Variants in PTPRD observed in about 807,000 individuals in gnomAD.
PTPRD encodes protein tyrosine phosphatase receptor type D.
PTPRD carries 34 observed loss-of-function variants against 214.5 expected under a neutral mutation model. The ratio of observed to expected loss-of-function variants is 0.16; its 90% CI spans 0.12 to 0.21. The LOEUF (loss-of-function observed/expected upper bound fraction) is 0.21. Ranked by LOEUF, PTPRD falls within the 10% of genes least tolerant of loss-of-function variation. The probability of loss-of-function intolerance (pLI) is 1.00; values close to 1 mark genes in which losing one functional copy is unlikely to be tolerated. For synonymous variants in PTPRD, 1,128 were observed against 845.7 expected, an observed-to-expected ratio of 1.33 and a Z score of -5.79; for missense variants, 2,545 against 2,398.7, an observed-to-expected ratio of 1.06 and a Z score of -1.27.
chr9:8,868,967 AT>A lies in PTPRD; in HGVS notation c.-103-135022del, dbSNP rs969896749. ...AATACAATACAAACATCCTCTAATGATTTTTATTCTTTGCAGTCCAATTAAA... is the reference window on the plus strand; with the variant it reads ...AATACAATACAAACATCCTCTAATGATTTTATTCTTTGCAGTCCAATTAAA... On this transcript the variant is annotated intron_variant, in intron 11 of 45. Coordinates refer to ENST00000381196, the MANE Select transcript of PTPRD (RefSeq NM_002839.4). 7.5e-4 allele frequency among the ~76,000 whole-genome samples: 114 copies of A among 152,290 alleles called. 1 individual carries two copies. Among genetic ancestry groups the A allele is most frequent in the African/African-American group, 2.5e-3 (102 of 41,580 alleles).
chr9:9,941,665 G>C (rs2091483591), intron 4 of PTPRD, among the ~76,000 whole-genome samples: 1 of 152,162 alleles, frequency 6.6e-6, no homozygotes, highest in African/African-American at 2.4e-5. Flanking sequence ...TGTAAGGAAA[G>C]GGTTCAGTAA....
chr9:10,357,659 T>C (rs1399409670), intron 2 of PTPRD, among the ~76,000 whole-genome samples: 1 of 152,186 alleles, frequency 6.6e-6, no homozygotes, highest in East Asian at 1.9e-4. Context: ...TTCTTTAAAG[T>C]GAAAACAAGT....
At chr9:10,132,437 A>T (rs10958908) in intron 3 of PTPRD, among the ~76,000 whole-genome samples, 8 of 152,108 alleles carry the variant, frequency 5.3e-5, no homozygotes, top group Admixed American at 5.2e-4. Flanking sequence ...CTGCCATATG[A>T]TGAGGACTAC....
At chr9:8,655,858 TAGAC>T (rs2096899267) in intron 12 of PTPRD, among the ~76,000 whole-genome samples, 1 of 151,996 alleles carries the variant, frequency 6.6e-6, no homozygotes, top group Admixed American at 6.6e-5. Flanking sequence ...AACCATTAAA[TAGAC>T]AGTGCTATCC....
intron 2 of PTPRD, among the ~76,000 whole-genome samples, chr9:10,482,099 C>G (rs534201420): frequency 1.3e-5 from 2 of 152,006 alleles, no homozygotes; most frequent in Admixed American, 6.5e-5. Flanking sequence ...TGGCCGGGCG[C>G]GGTGGCTCAC....
intron 8 of PTPRD, among the ~76,000 whole-genome samples, chr9:9,423,690 TAATC>T (rs1316669121): frequency 6.6e-6 from 1 of 151,950 alleles, no homozygotes; most frequent in African/African-American, 2.4e-5. Flanking sequence ...CTATGAAAAA[TAATC>T]AAACAAAAAT....
intron 7 of PTPRD, among the ~76,000 whole-genome samples, chr9:9,606,584 A>G (rs2094168696): frequency 6.6e-6 from 1 of 152,064 alleles, no homozygotes; most frequent in Admixed American, 6.6e-5. Context: ...TATATGTTAA[A>G]TTAAGGAGTC....
intron 2 of PTPRD, among the ~76,000 whole-genome samples, chr9:10,594,815 G>A (rs557319907): frequency 6.6e-6 from 1 of 152,102 alleles, no homozygotes; most frequent in Non-Finnish European, 1.5e-5. Flanking sequence ...TCCTTGCACC[G>A]AAGTGTAGAT....
intron 10 of PTPRD, among the ~76,000 whole-genome samples, chr9:9,108,094 C>G (rs1049027458): frequency 6.6e-6 from 1 of 152,088 alleles, no homozygotes; most frequent in Non-Finnish European, 1.5e-5. Context: ...CTTCTTAAAA[C>G]CCTTAGGGCT....
intron 2 of PTPRD, among the ~76,000 whole-genome samples, chr9:10,399,799 A>T (rs2098238980): frequency 1.3e-5 from 2 of 151,842 alleles, no homozygotes; most frequent in South Asian, 4.1e-4. Flanking sequence ...AAGAAACTGA[A>T]AATAGTTCAG....
chr9:10,276,576 G>A (rs537851668), intron 3 of PTPRD, among the ~76,000 whole-genome samples: 7 of 152,144 alleles, frequency 4.6e-5, no homozygotes, highest in Middle Eastern at 3.4e-3. Context: ...ATCTAATATC[G>A]AAAGTCATAG....
intron 12 of PTPRD, among the ~76,000 whole-genome samples, chr9:8,680,777 G>C (rs2097535714): frequency 6.6e-6 from 1 of 151,956 alleles, no homozygotes; most frequent in Non-Finnish European, 1.5e-5. Context: ...GCATCTGTTG[G>C]CAAATACATT....
At chr9:8,503,746 A>G (rs929388989) in intron 23 of PTPRD, among the ~76,000 whole-genome samples, 4 of 152,370 alleles carry the variant, frequency 2.6e-5, no homozygotes, top group South Asian at 2.1e-4. Context: ...TTCCACAGGT[A>G]CTACACACAG....
intron 8 of PTPRD, among the ~76,000 whole-genome samples, chr9:9,411,081 A>G (rs2075273713): frequency 6.6e-6 from 1 of 152,136 alleles, no homozygotes; most frequent in African/African-American, 2.4e-5. Flanking sequence ...CTAGAAAAAT[A>G]AATATGCCAT....
At chr9:10,519,970 C>T (rs898893174) in intron 2 of PTPRD, among the ~76,000 whole-genome samples, 21 of 152,152 alleles carry the variant, frequency 1.4e-4, no homozygotes, top group African/African-American at 4.8e-4. Flanking sequence ...CCAAAAACCA[C>T]CTATGCCCCC....
chr9:9,586,695 T>C (rs1445029031), intron 7 of PTPRD, among the ~76,000 whole-genome samples: 1 of 151,966 alleles, frequency 6.6e-6, no homozygotes, highest in Non-Finnish European at 1.5e-5. Context: ...CATTGATAAA[T>C]GGAAAGAGAT....
chr9:10,089,228 A>AATAC (rs2154196591), intron 3 of PTPRD, among the ~76,000 whole-genome samples: 2 of 150,890 alleles, frequency 1.3e-5, no homozygotes, highest in South Asian at 4.2e-4. Context: ...TAAATAAATA[A>AATAC]ATAAATAAAT....
chr9:9,683,277 G>A (rs545564705), intron 7 of PTPRD, among the ~76,000 whole-genome samples: 43 of 151,732 alleles, frequency 2.8e-4, no homozygotes, highest in Admixed American at 4.0e-4. Flanking sequence ...GGAGGGTGTG[G>A]GAATATTACC....
chr9:10,358,618 A>G (rs2097321426), intron 2 of PTPRD, among the ~76,000 whole-genome samples: 1 of 151,986 alleles, frequency 6.6e-6, no homozygotes, highest in African/African-American at 2.4e-5. Flanking sequence ...AGTTAGAAAA[A>G]GATATCCTGT....
Sources: gnomAD v4.1 joint callset for allele counts (sites outside exome capture counted in the v4.1 genomes callset) on GRCh38, gnomAD v4.1.1 for gene constraint, MANE v1.5 for transcripts, NCBI Gene and HGNC (gene_info 2026-07-23, HGNC 2026-07-21) for gene names.